The following PDE10A variants were observed in gnomAD, a reference collection of about 807,000 sequenced individuals.
PDE10A encodes phosphodiesterase 10A, also known as cAMP and cAMP-inhibited cGMP 3',5'-cyclic phosphodiesterase 10A.
Under a neutral mutation model 97.7 loss-of-function variants are expected in PDE10A, and 39 were observed. The observed-to-expected ratio is 0.40, with a 90% CI of 0.31 to 0.52. The LOEUF is 0.52. Among genes scored for constraint, PDE10A ranks in the 20% least tolerant of loss-of-function variants. The pLI is 0.56. For synonymous variants in PDE10A, 371 were observed against 376.8 expected, an observed-to-expected ratio of 0.98 and a Z score of 0.18; for missense variants, 731 against 1,047.8, an observed-to-expected ratio of 0.70 and a Z score of 4.17.
intron 1 of PDE10A, among the ~76,000 whole-genome samples, chr6:165,715,847 G>A (rs1792013829): frequency 6.6e-6 from 1 of 152,314 alleles, no homozygotes; most frequent in Middle Eastern, 3.4e-3. Flanking sequence ...GTCCTCTCCT[G>A]TGGCATCACG....
At chr6:165,459,514 TAGATAGATAGACAGACAGAC>T (rs1463278232) in intron 3 of PDE10A, among the ~76,000 whole-genome samples, 226 of 64,176 alleles carry the variant, frequency 3.5e-3, no homozygotes, top group Middle Eastern at 0.011. Context: ...GATAGATAGA[TAGATAGATAGACAGACAGAC>T]AGACAGACAG....
chr6:165,444,681 T>A (rs1373527842), intron 5 of PDE10A, among the ~76,000 whole-genome samples: 1 of 152,056 alleles, frequency 6.6e-6, no homozygotes, highest in Non-Finnish European at 1.5e-5. Flanking sequence ...AGTATTTAGT[T>A]TTGTTTTTAT....
intron 2 of PDE10A, among the ~76,000 whole-genome samples, chr6:165,538,414 G>T (rs1783228595): frequency 6.6e-6 from 1 of 152,138 alleles, no homozygotes; most frequent in Middle Eastern, 3.4e-3. Context: ...CACAAAAGGT[G>T]GCATTCTACT....
intron 1 of PDE10A, among the ~76,000 whole-genome samples, chr6:165,597,351 T>G (rs1786661043): frequency 6.6e-6 from 1 of 152,162 alleles, no homozygotes; most frequent in Admixed American, 6.5e-5. Context: ...TATAGAGTAC[T>G]AAAAGCCAAA....
intron 1 of PDE10A, among the ~76,000 whole-genome samples, chr6:165,766,124 A>C (rs73030267): frequency 0.1 from 15,648 of 152,168 alleles, 990 homozygotes; most frequent in South Asian, 0.19. Flanking sequence ...TCAGCCCCTG[A>C]TCCATGAGAA....
intron 1 of PDE10A, among the ~76,000 whole-genome samples, chr6:165,927,680 T>TATATATATATATATATATA (rs60860187): frequency 3.9e-5 from 2 of 50,938 alleles, no homozygotes; most frequent in African/African-American, 8.3e-5. Flanking sequence ...ATATATATAG[T>TATATATATATATATATATA]TTTTTGTTTG....
intron 1 of PDE10A, among the ~76,000 whole-genome samples, chr6:165,752,155 G>C (rs4709980): frequency 2.8e-5 from 4 of 142,288 alleles, no homozygotes; most frequent in African/African-American, 1.1e-4. Context: ...AAAAAAAAAA[G>C]TGGGTAAAAG....
upstream of PDE10A, among the ~76,000 whole-genome samples, chr6:165,666,303 G>A (rs1790494842): frequency 6.6e-6 from 1 of 152,006 alleles, no homozygotes. Flanking sequence ...CTTTCTTTAT[G>A]AATATATAAA....
intron 1 of PDE10A, among the ~76,000 whole-genome samples, chr6:165,871,262 A>G (rs1428637394): frequency 6.6e-6 from 1 of 152,238 alleles, no homozygotes; most frequent in Non-Finnish European, 1.5e-5. Flanking sequence ...AATTATTGAT[A>G]TAGGATGGAT....
intron 3 of PDE10A, among the ~76,000 whole-genome samples, chr6:165,476,273 TAAAG>T (rs1205660631): frequency 1.3e-5 from 2 of 151,836 alleles, no homozygotes; most frequent in African/African-American, 4.8e-5. Flanking sequence ...AAAATGAATA[TAAAG>T]AAAGCATCTG....
chr6:165,576,261 G>A, intron 1 of PDE10A: 1 of 637,116 alleles, frequency 1.6e-6, no homozygotes, highest in Non-Finnish European at 2.8e-6. Context: ...GCACCAAAAA[G>A]AGTCAAGGTG....
intron 1 of PDE10A, among the ~76,000 whole-genome samples, chr6:165,867,051 T>A (rs1435367558): frequency 1.3e-5 from 2 of 151,862 alleles, no homozygotes; most frequent in Non-Finnish European, 2.9e-5. Flanking sequence ...GAGTTAAATG[T>A]TATCACTGGG....
chr6:165,934,520 T>C (rs1183504891), intron 1 of PDE10A, among the ~76,000 whole-genome samples: 1 of 152,186 alleles, frequency 6.6e-6, no homozygotes, highest in Non-Finnish European at 1.5e-5. Context: ...AATCTTTATT[T>C]TCCTCAGCCC....
In PDE10A at chr6:165,943,318, G is replaced by GAAAGAAAGAAAA. The variant is rs1406100457; in HGVS notation, c.-615+44210_-615+44211insTTTTCTTTCTTT. Among the ~76,000 whole-genome samples the GAAAGAAAGAAAA allele has an allele frequency of 1.3e-3, 89 of 67,040 alleles. 8 individuals are homozygous for GAAAGAAAGAAAA. The highest frequency in any genetic ancestry group is 5.8e-3 in the African/African-American group (73 of 12,546). The allele number at this position is 67,040 out of a possible 152,430, so 44.0% of individuals were successfully genotyped here. The stretch of plus-strand genomic sequence containing the variant: ...AGGAAAGAAAGAAAGAAGGAAGGAA[G>GAAAGAAAGAAAA]GAAAGAAAGAAAAAGAAAGAAAGAA... On this transcript the variant is annotated intron_variant, in intron 1 of 19. Transcript: ENST00000366882.
At chr6:165,398,764 A>G (rs1583196039) in intron 13 of PDE10A, among the ~76,000 whole-genome samples, 1 of 152,268 alleles carries the variant, frequency 6.6e-6, no homozygotes. Context: ...TTAAAGGTAG[A>G]GAGAAAAAAA....
At chr6:165,594,631 G>C (rs1583610026) in intron 1 of PDE10A, among the ~76,000 whole-genome samples, 1 of 152,232 alleles carries the variant, frequency 6.6e-6, no homozygotes, top group East Asian at 1.9e-4. Flanking sequence ...CAATAATTCA[G>C]GCAAAGATCA....
chr6:165,462,775 G>T (rs1306300993), intron 3 of PDE10A, among the ~76,000 whole-genome samples: 3 of 152,208 alleles, frequency 2.0e-5, no homozygotes, highest in Non-Finnish European at 4.4e-5. Context: ...GATCACCACT[G>T]CCATGAGTAT....
Position 165,932,891 on chromosome 6 carries a change from C to T in PDE10A, c.-615+54638G>A, listed in dbSNP as rs1220358677. On this transcript the variant is annotated intron_variant, in intron 1 of 19. Transcript: ENST00000366882. ...AGGTTGCCCTGCTCCAGGCATTCCC[C>T]TCCACAACCCCTCCAAGGAGACCAG... 2.6e-5 allele frequency among the ~76,000 whole-genome samples: 4 copies of T among 152,334 alleles called. No homozygotes were observed. In the East Asian group the frequency reaches 5.8e-4, roughly 22 times the overall value.
chr6:165,774,268 G>T lies in PDE10A; in HGVS notation c.-615+213261C>A, dbSNP rs74825407. Among the ~76,000 whole-genome samples the T allele has an allele frequency of 6.7e-3, 1,025 of 152,026 alleles. 7 individuals are homozygous for T. The highest frequency in any genetic ancestry group is 0.024 in the African/African-American group (979 of 41,502). On this transcript the variant is annotated intron_variant, in intron 1 of 19. Transcript: ENST00000366882. ...TCATTTTAATTCCATTCTGAAAATGGCTATTAAATAACAGGACTGCTAGGA... is the reference window on the plus strand; with the variant it reads ...TCATTTTAATTCCATTCTGAAAATGTCTATTAAATAACAGGACTGCTAGGA...
Sources: allele counts gnomAD v4.1 joint callset (sites outside exome capture counted in the v4.1 genomes callset), GRCh38; gene constraint gnomAD v4.1.1; transcripts MANE v1.5; gene names NCBI Gene and HGNC (gene_info 2026-07-23, HGNC 2026-07-21).